Variants in GAK observed in about 807,000 individuals in gnomAD.
GAK encodes cyclin G associated kinase.
In GAK, 79 loss-of-function variants were observed where a neutral mutation model predicts 143.9. That is an observed-to-expected ratio of 0.55 (90% CI 0.46 to 0.66). The LOEUF (loss-of-function observed/expected upper bound fraction) is 0.66. GAK is among the 30% of genes least tolerant of loss of function. GAK has a pLI of 0.00. For missense variants in GAK, 1,693 were observed against 1,779.7 expected (o/e 0.95, Z 0.88); for synonymous variants, 881 against 765.5 (o/e 1.15, Z -2.49).
chr4:895,728 T>A (rs1314958208), intron 7 of GAK, among the ~76,000 whole-genome samples: 1 of 152,200 alleles, frequency 6.6e-6, no homozygotes, highest in African/African-American at 2.4e-5. Flanking sequence ...AATGGGGACA[T>A]GGCCTTGGAG....
chr4:860,827 A>G (rs573899331), intron 23 of GAK, among the ~76,000 whole-genome samples: 27 of 152,186 alleles, frequency 1.8e-4, no homozygotes, highest in African/African-American at 6.3e-4. Flanking sequence ...GCCCTGGCAC[A>G]TCGTGCACTG....
intron 4 of GAK, among the ~76,000 whole-genome samples, chr4:911,332 C>T (rs940667097): frequency 3.3e-5 from 5 of 152,148 alleles, no homozygotes; most frequent in South Asian, 2.1e-4. Context: ...GAAGGACAGA[C>T]GCTCCTCCAC....
At position 913,620 on chromosome 4, in the gene GAK, T is replaced by C; in HGVS notation, c.194A>G (p.Glu65Gly). Residue 65 changes from glutamate (E) to glycine (G), a missense_variant, in exon 2 of 28, where the codon GAG becomes GGG. By Grantham distance (98) the Glu-to-Gly change is moderately conservative. Transcript: ENST00000314167. ...ATGGTTCATTACCTTTAATGCATAC[T>C]CTCTGCCACTCCCCACATCTTGAGC... ...YEAQDVGSGREYALKRLLSNE... is the reference protein window; with the variant it reads ...YEAQDVGSGRGYALKRLLSNE... 6 of 1,613,446 alleles carry C rather than the reference T, an allele frequency of 3.7e-6. No homozygotes were observed. Among genetic ancestry groups the C allele is most frequent in the Non-Finnish European group, 5.1e-6 (6 of 1,179,420 alleles).
intron 6 of GAK, among the ~76,000 whole-genome samples, chr4:897,329 C>A (rs139341628): frequency 8.4e-4 from 128 of 152,316 alleles, no homozygotes; most frequent in African/African-American, 3.1e-3. Context: ...GGATAAAGCG[C>A]CCTCCACTCA....
At chr4:866,240 C>T (rs1014421884) in intron 22 of GAK, 124 bp downstream of exon 22, 6 of 970,982 alleles carry the variant, frequency 6.2e-6, no homozygotes, top group African/African-American at 4.9e-5. Context: ...GCAAGGAGCG[C>T]ACCCGGAGGC....
chr4:894,037 G>C (rs1210880944), intron 7 of GAK, 28 bp from the exon 8 acceptor site: 1 of 1,559,360 alleles, frequency 6.4e-7, no homozygotes, highest in Admixed American at 1.9e-5. Context: ...GTGATGCCTA[G>C]GCCCACGGGG....
In GAK at chr4:877,764, T is replaced by C; in HGVS notation, c.1707A>G (p.Thr569=). The stretch of plus-strand genomic sequence containing the variant: ...TCACCAGGATGGGCTTGCTGTGGGG[T>C]GTGATGGGCTCCTCCGCCACCATGT... ...MCDMVAEEPI[T]PHSKPILVRA... The change falls in exon 16 of 28, where the codon ACA becomes ACG. Residue 569 remains threonine, a synonymous_variant. Transcript: ENST00000314167. The C allele has an allele frequency of 7.4e-6, 12 of 1,611,346 alleles. No individual in the cohort carries two copies. Among genetic ancestry groups the C allele is most frequent in the East Asian group, 2.2e-5 (1 of 44,758 alleles).
intron 7 of GAK, 104 bp downstream of exon 7, chr4:896,353 TGGA>T: frequency 1.3e-6 from 1 of 779,154 alleles, no homozygotes; most frequent in Non-Finnish European, 2.3e-6. Flanking sequence ...GAAGAGGGGG[TGGA>T]GGAGGCAGGC....
chr4:871,078 C>G (rs1033185419), intron 18 of GAK, among the ~76,000 whole-genome samples, 174 bp from the exon 19 acceptor site: 14 of 152,228 alleles, frequency 9.2e-5, no homozygotes, highest in African/African-American at 2.9e-4. Context: ...GTGAGCTGAC[C>G]CAGCAGCTGT....
rs569728439 is a variant in GAK, at chr4:916,148, G to T, written c.146-2480C>A. Among the ~76,000 whole-genome samples, 6 of 152,306 alleles carry T rather than the reference G, an allele frequency of 3.9e-5. No individual in the cohort carries two copies. In the East Asian group the frequency reaches 1.2e-3, roughly 29 times the overall value. On this transcript the variant is annotated intron_variant, in intron 1 of 27. Transcript: ENST00000314167. The stretch of plus-strand genomic sequence containing the variant: ...TGATAAATGGACTTCAGGAATTTCT[G>T]CTTTTTGAAAACTGGTCAGAGGATG...
At chr4:867,462 G>C in intron 20 of GAK, 30 bp from the exon 21 acceptor site, 1 of 1,487,124 alleles carries the variant, frequency 6.7e-7, no homozygotes, top group Non-Finnish European at 9.0e-7. Flanking sequence ...CCACAGGCTA[G>C]TGAGACCACA....
At chr4:905,320 T>C (rs566539074) in intron 4 of GAK, among the ~76,000 whole-genome samples, 1 of 152,184 alleles carries the variant, frequency 6.6e-6, no homozygotes, top group Non-Finnish European at 1.5e-5. Flanking sequence ...TCCAGTTTGT[T>C]CAAAATGCCA....
rs554673228 is a variant in GAK at position 895,657 on chromosome 4, G to A, written c.741+803C>T. 3.3e-5 allele frequency among the ~76,000 whole-genome samples: 5 copies of A among 152,366 alleles called. No individual in the cohort carries two copies. In the East Asian group the frequency reaches 9.6e-4, roughly 29 times the overall value. On this transcript the variant is annotated intron_variant, in intron 7 of 27. Transcript: ENST00000314167. ...CCGCACCTGGTGGCTGAATGACGGG[G>A]TAAGGGGACGTCAAAAGAACCACAA...
At chr4:865,518 T>C (rs1042295052) in intron 22 of GAK, among the ~76,000 whole-genome samples, 1 of 151,936 alleles carries the variant, frequency 6.6e-6, no homozygotes, top group Admixed American at 6.5e-5. Flanking sequence ...CCAAAAGGGT[T>C]TGTCAGGACC....
chr4:873,606 C>T (rs1713175102), intron 18 of GAK, among the ~76,000 whole-genome samples: 1 of 152,182 alleles, frequency 6.6e-6, no homozygotes. Context: ...GCCCTTTGTG[C>T]TGCCTGTACT....
At chr4:930,673 T>C (rs571551842) in intron 1 of GAK, among the ~76,000 whole-genome samples, 5 of 152,068 alleles carry the variant, frequency 3.3e-5, no homozygotes, top group Admixed American at 3.3e-4. Context: ...CCTAGTATTT[T>C]CAGAATAAAT....
At chr4:859,580 C>A (rs368665938) in intron 24 of GAK, 26 bp downstream of exon 24, 19 of 1,587,502 alleles carry the variant, frequency 1.2e-5, no homozygotes, top group Non-Finnish European at 1.6e-5. Context: ...ACAGCTTCCA[C>A]ACCCCCAAAG....
chr4:928,625 C>T (rs918228203), intron 1 of GAK, among the ~76,000 whole-genome samples: 1 of 152,180 alleles, frequency 6.6e-6, no homozygotes, highest in Non-Finnish European at 1.5e-5. Context: ...GACATGGGGC[C>T]TTCCTGCCAC....
chr4:932,238 T>A lies in GAK; in HGVS notation c.-51A>T. The A allele has an allele frequency of 6.8e-7, 1 of 1,473,354 alleles. No individual in the cohort carries two copies. The allele number at this position is 1,473,354 out of a possible 1,614,324, so 91.3% of individuals were successfully genotyped here. A position where few individuals can be genotyped will look rare whatever the true frequency, so the allele number is the denominator to read the frequency against. ...GCAGCCGGAGTGGTCGGGCTCGGGC[T>A]CCCGCTCCCTCGCCGTCCGGGTCAG... On this transcript the variant is annotated 5_prime_UTR_variant, in exon 1 of 28. Transcript: ENST00000314167. This position sits in a 1 kb window ranked among gnomAD's most constrained non-coding sequence, Gnocchi z 4.0.
Sources: gnomAD v4.1 joint callset for allele counts (sites outside exome capture counted in the v4.1 genomes callset) on GRCh38, gnomAD v4.1.1 for gene constraint, Gnocchi (gnomAD v3.1) non-coding constraint, MANE v1.5 for transcripts, NCBI Gene and HGNC (gene_info 2026-07-23, HGNC 2026-07-21) for gene names.